Variants in NTM observed in about 807,000 individuals in gnomAD.
NTM encodes the protein IgLON family member 2.
A neutral mutation model predicts 42.1 loss-of-function variants in NTM; 13 were observed. The observed-to-expected ratio is 0.31, with a 90% CI of 0.20 to 0.49. The LOEUF is 0.49. Ranked by LOEUF, NTM falls within the 20% of genes least tolerant of loss-of-function variation. NTM has a pLI of 0.99. For synonymous variants in NTM, 187 were observed against 179.2 expected (o/e 1.04, Z -0.35); for missense variants, 373 against 452.8 (o/e 0.82, Z 1.60).
chr11:131,562,749 T>G (rs1477601117), intron 1 of NTM, among the ~76,000 whole-genome samples: 1 of 152,212 alleles, frequency 6.6e-6, no homozygotes, highest in Non-Finnish European at 1.5e-5. Flanking sequence ...CAGGGTGCTT[T>G]CTTTCTGGAA....
chr11:131,789,569 A>AAGAAGAAGAAGAAGAAGAAGAAGAAGG (rs2090327872), intron 1 of NTM, among the ~76,000 whole-genome samples: 1 of 43,856 alleles, frequency 2.3e-5, no homozygotes, highest in Non-Finnish European at 4.1e-5. Flanking sequence ...GAAGAAGAAG[A>AAGAAGAAGAAGAAGAAGAAGAAGAAGG]AGAAGAAGAA....
intron 1 of NTM, among the ~76,000 whole-genome samples, chr11:131,521,316 G>GAAATAAAT (rs201311970): frequency 0.02 from 2,188 of 109,634 alleles, 44 homozygotes; most frequent in African/African-American, 0.051. Context: ...CTCCATCTCA[G>GAAATAAAT]AAATAAATAA....
At chr11:131,967,657 G>A (rs2063008281) in intron 2 of NTM, among the ~76,000 whole-genome samples, 1 of 152,158 alleles carries the variant, frequency 6.6e-6, no homozygotes, top group Non-Finnish European at 1.5e-5. Flanking sequence ...GATCAATAGA[G>A]AAGAAAACAT....
intron 3 of NTM, among the ~76,000 whole-genome samples, chr11:132,153,927 G>C (rs1237018349): frequency 6.6e-6 from 1 of 152,184 alleles, no homozygotes; most frequent in Non-Finnish European, 1.5e-5. Context: ...TGCAAGATTA[G>C]ACAAAACTAC....
intron 3 of NTM, among the ~76,000 whole-genome samples, chr11:132,186,113 A>T (rs1206225607): frequency 6.6e-6 from 1 of 152,194 alleles, no homozygotes; most frequent in Non-Finnish European, 1.5e-5. Context: ...CTTGATTCCA[A>T]GTTTGCTAAA....
chr11:132,212,831 C>T (rs1410213462), intron 4 of NTM, among the ~76,000 whole-genome samples: 2 of 152,030 alleles, frequency 1.3e-5, no homozygotes, highest in South Asian at 4.2e-4. Context: ...AAAAATATTT[C>T]ATTCTTAAAT....
At chr11:132,230,150 A>G (rs1296708173) in intron 4 of NTM, among the ~76,000 whole-genome samples, 1 of 152,186 alleles carries the variant, frequency 6.6e-6, no homozygotes. Flanking sequence ...GAGCCCTGAG[A>G]GTCGATGTAT....
rs1448700040 is a variant in NTM at position 132,335,195 on chromosome 11, C to A, written c.*49C>A. The A allele has an allele frequency of 2.5e-6, 4 of 1,596,920 alleles. No individual in the cohort carries two copies. Among genetic ancestry groups the A allele is most frequent in the Admixed American group, 1.7e-5 (1 of 59,716 alleles). ...GGAAAGGCTGCCGCCACCACCACCA[C>A]CAACACAACAGCAATGGCAACACCG... On this transcript the variant is annotated 3_prime_UTR_variant, in exon 9 of 9. Coordinates refer to ENST00000683400, the MANE Select transcript of NTM (RefSeq NM_001352005.2).
At chr11:132,242,649 A>G (rs1178151957) in intron 4 of NTM, among the ~76,000 whole-genome samples, 1 of 152,228 alleles carries the variant, frequency 6.6e-6, no homozygotes, top group African/African-American at 2.4e-5. Context: ...TTTGAAAGTA[A>G]AGCAAGAGCA....
intron 1 of NTM, among the ~76,000 whole-genome samples, chr11:131,653,121 G>A (rs1301875546): frequency 1.3e-5 from 2 of 152,252 alleles, no homozygotes; most frequent in Non-Finnish European, 2.9e-5. Flanking sequence ...GGTGTGCCCT[G>A]TGTGGACCAC....
chr11:131,548,245 G>A (rs893179087), intron 1 of NTM, among the ~76,000 whole-genome samples: 1 of 151,768 alleles, frequency 6.6e-6, no homozygotes, highest in Non-Finnish European at 1.5e-5. Flanking sequence ...TTTCCCTTTG[G>A]CCACAAGCAT....
chr11:132,305,427 G>A (rs143946400), intron 4 of NTM, among the ~76,000 whole-genome samples: 53 of 152,242 alleles, frequency 3.5e-4, no homozygotes, highest in African/African-American at 7.9e-4. Flanking sequence ...CTAATGCTGC[G>A]GCACTGTTAA....
chr11:131,480,499 G>A lies in NTM; in HGVS notation c.82+109611G>A, dbSNP rs545595484. ...TTGGGTCTCCCATGACGAAACTCAC[G>A]TGCAGCTTGTGTACAACTTCCCTAA... On this transcript the variant is annotated intron_variant, in intron 1 of 8. Coordinates refer to ENST00000683400, the MANE Select transcript of NTM (RefSeq NM_001352005.2). Among the ~76,000 whole-genome samples, 11 of 152,252 alleles carry A rather than the reference G, an allele frequency of 7.2e-5. No individual in the cohort carries two copies. In the South Asian group the frequency reaches 1.2e-3, roughly 17 times the overall value.
chr11:131,583,759 C>A (rs2058619024), intron 1 of NTM, among the ~76,000 whole-genome samples: 1 of 152,138 alleles, frequency 6.6e-6, no homozygotes, highest in African/African-American at 2.4e-5. Context: ...AATGGACTAG[C>A]AATAAATCAC....
At chr11:131,930,012 T>C (rs1230392305) in intron 2 of NTM, among the ~76,000 whole-genome samples, 1 of 152,238 alleles carries the variant, frequency 6.6e-6, no homozygotes, top group Non-Finnish European at 1.5e-5. Flanking sequence ...TAATTACTGT[T>C]CATTTGGTGT....
chr11:131,605,497 A>G (rs1422925860), intron 1 of NTM, among the ~76,000 whole-genome samples: 1 of 152,222 alleles, frequency 6.6e-6, no homozygotes, highest in Admixed American at 6.5e-5. Flanking sequence ...TGTCATCTGC[A>G]GACAGTGATA....
At chr11:131,393,774 C>A (rs1197705060) in intron 1 of NTM, among the ~76,000 whole-genome samples, 1 of 152,242 alleles carries the variant, frequency 6.6e-6, no homozygotes, top group Admixed American at 6.5e-5. Flanking sequence ...TGTGCCAGAT[C>A]TTATCCCTGT....
intron 1 of NTM, among the ~76,000 whole-genome samples, chr11:131,444,571 A>G (rs1375579101): frequency 5.3e-5 from 8 of 152,158 alleles, no homozygotes; most frequent in African/African-American, 1.9e-4. Flanking sequence ...GGAAGGAAGG[A>G]GAAAGATTGG....
chr11:131,886,572 C>G (rs1352101456), intron 1 of NTM, among the ~76,000 whole-genome samples: 2 of 152,226 alleles, frequency 1.3e-5, no homozygotes, highest in Admixed American at 1.3e-4. Context: ...ATAGAGTAAA[C>G]TGTCCATTTG....
Sources: gnomAD v4.1 joint callset for allele counts (sites outside exome capture counted in the v4.1 genomes callset) on GRCh38, gnomAD v4.1.1 for gene constraint, MANE v1.5 for transcripts, NCBI Gene and HGNC (gene_info 2026-07-23, HGNC 2026-07-21) for gene names.